ARIH1: variants seen among roughly 807,000 people sequenced by gnomAD.
ARIH1 encodes E3 ubiquitin-protein ligase ARIH1.
In ARIH1, 8 loss-of-function variants were observed where a neutral mutation model predicts 85.0. The observed-to-expected ratio is 0.09, with a 90% CI of 0.06 to 0.17. The LOEUF is 0.17. Among genes scored for constraint, ARIH1 ranks in the 10% least tolerant of loss-of-function variants. The pLI is 1.00. For synonymous variants in ARIH1, 238 were observed against 253.6 expected (o/e 0.94, Z 0.59); for missense variants, 311 against 718.1 (o/e 0.43, Z 6.48).
At chr15:72,577,138 A>T (rs1429549156) in intron 11 of ARIH1, among the ~76,000 whole-genome samples, 1 of 151,642 alleles carries the variant, frequency 6.6e-6, no homozygotes, top group African/African-American at 2.4e-5. Context: ...ATGCGCCACC[A>T]TGCCTGGCTA....
At chr15:72,538,594 G>C (rs2064093127) in intron 2 of ARIH1, among the ~76,000 whole-genome samples, 1 of 152,200 alleles carries the variant, frequency 6.6e-6, no homozygotes, top group Non-Finnish European at 1.5e-5. Context: ...AGCCAGTGGT[G>C]ATCCCTACCA....
chr15:72,545,662 A>G (rs1420844865), intron 3 of ARIH1, among the ~76,000 whole-genome samples: 1 of 152,236 alleles, frequency 6.6e-6, no homozygotes, highest in Non-Finnish European at 1.5e-5. Context: ...ACCTGTCTCA[A>G]CTAAAAATAC....
intron 1 of ARIH1, among the ~76,000 whole-genome samples, chr15:72,499,704 G>A (rs1180700610): frequency 6.6e-6 from 1 of 152,154 alleles, no homozygotes; most frequent in African/African-American, 2.4e-5. Flanking sequence ...GTAGCAAGAT[G>A]GTTTGGGTTT....
At chr15:72,565,228 ATTTATTTATTTATTTG>A (rs2064214134) in intron 7 of ARIH1, among the ~76,000 whole-genome samples, 2 of 151,302 alleles carry the variant, frequency 1.3e-5, no homozygotes, top group East Asian at 1.9e-4. Context: ...GCTAATTTTT[ATTTATTTATTTATTTG>A]TTTATTTATT....
At position 72,519,486 on chromosome 15, in the gene ARIH1, T is replaced by G. The variant is rs867695716; in HGVS notation, c.443+1352T>G. On this transcript the variant is annotated intron_variant, in intron 2 of 13. Transcript: ENST00000379887. ...ACCATGTTTTTTTTGTTTTTTTTTT[T>G]TTTTTTTTTTTTTTGAGACGGAGTT... 4.3e-3 allele frequency among the ~76,000 whole-genome samples: 562 copies of G among 132,006 alleles called. 2 individuals carry two copies. The highest frequency in any genetic ancestry group is 0.012 in the African/African-American group (451 of 36,224). The allele number at this position is 132,006 out of a possible 152,430, so 86.6% of individuals were successfully genotyped here.
At chr15:72,548,415 G>A (rs2064138747) in intron 3 of ARIH1, among the ~76,000 whole-genome samples, 1 of 152,154 alleles carries the variant, frequency 6.6e-6, no homozygotes, top group African/African-American at 2.4e-5. Context: ...GGTAGGATGG[G>A]AAACCAGACT....
intron 5 of ARIH1, among the ~76,000 whole-genome samples, chr15:72,558,393 C>G (rs2064183746): frequency 6.6e-6 from 1 of 152,146 alleles, no homozygotes; most frequent in Non-Finnish European, 1.5e-5. Context: ...CCTCTGCCTC[C>G]CGGGTTCAAG....
intron 1 of ARIH1, among the ~76,000 whole-genome samples, chr15:72,477,512 ATTAAT>A (rs1017037986): frequency 1.3e-5 from 2 of 152,204 alleles, no homozygotes; most frequent in Non-Finnish European, 2.9e-5. Context: ...AGATAACCAA[ATTAAT>A]TTAATATTTC....
chr15:72,475,145 C>T, intron 1 of ARIH1, 131 bp downstream of exon 1: 8 of 1,428,362 alleles, frequency 5.6e-6, no homozygotes, highest in Non-Finnish European at 7.4e-6. Context: ...CTTGTCTTCT[C>T]CGCTGCCTCT....
chr15:72,510,736 C>CAAAAAAAAAAAAAAAAAAAAA (rs57834481), intron 1 of ARIH1, among the ~76,000 whole-genome samples: 1 of 26,718 alleles, frequency 3.7e-5, no homozygotes, highest in African/African-American at 1.2e-4. Flanking sequence ...GACTCTGACT[C>CAAAAAAAAAAAAAAAAAAAAA]AAAAAAAAAA....
intron 1 of ARIH1, among the ~76,000 whole-genome samples, chr15:72,513,388 A>G (rs1174930398): frequency 6.6e-6 from 1 of 152,178 alleles, no homozygotes; most frequent in East Asian, 1.9e-4. Flanking sequence ...TTCTCAAAGT[A>G]AAACAGGTTT....
At chr15:72,519,852 T>C (rs2063991786) in intron 2 of ARIH1, among the ~76,000 whole-genome samples, 1 of 152,152 alleles carries the variant, frequency 6.6e-6, no homozygotes, top group African/African-American at 2.4e-5. Flanking sequence ...GTTTTTTTAT[T>C]TGATGACACC....
At chr15:72,497,978 G>A (rs2063886487) in intron 1 of ARIH1, among the ~76,000 whole-genome samples, 1 of 152,150 alleles carries the variant, frequency 6.6e-6, no homozygotes, top group African/African-American at 2.4e-5. Context: ...CCATAGTAGG[G>A]ATGTTTCGAA....
At chr15:72,477,566 G>C (rs942644196) in intron 1 of ARIH1, among the ~76,000 whole-genome samples, 6 of 152,012 alleles carry the variant, frequency 3.9e-5, no homozygotes, top group Non-Finnish European at 8.8e-5. Flanking sequence ...GAGGAGTTCT[G>C]GGCAACAACA....
Position 72,506,351 on chromosome 15 carries a change from C to CA in ARIH1, c.376-11702dup, listed in dbSNP as rs71134002. 2.2e-3 allele frequency among the ~76,000 whole-genome samples: 158 copies of CA among 73,090 alleles called. 8 individuals carry two copies. Among genetic ancestry groups the CA allele is most frequent in the African/African-American group, 7.7e-3 (149 of 19,336 alleles). 47.9% of individuals were successfully genotyped at this position (73,090 alleles called of 152,430 possible). ...GGCGACAGAGCAAGACTCCGTCTCA[C>CA]AAAAAAAAAAAAAAGAAAAAAAAAA... On this transcript the variant is annotated intron_variant, in intron 1 of 13. Transcript: ENST00000379887.
chr15:72,587,360 C>T lies in ARIH1; in HGVS notation c.*4068C>T. 2.2e-6 allele frequency: 1 copy of T among 459,510 alleles called. No individual in the cohort carries two copies. Among genetic ancestry groups the T allele is most frequent in the Non-Finnish European group, 4.5e-6 (1 of 222,000 alleles). 28.5% of individuals were successfully genotyped at this position (459,510 alleles called of 1,614,324 possible). On this transcript the variant is annotated 3_prime_UTR_variant, in exon 14 of 14. Transcript: ENST00000379887. ...AGACTATTATAAATGCCTATCACTG[C>T]TACTGTTAGAGGTTGCTCTATACTA...
intron 2 of ARIH1, among the ~76,000 whole-genome samples, chr15:72,538,121 T>C (rs1303646245): frequency 6.6e-6 from 1 of 152,144 alleles, no homozygotes; most frequent in Non-Finnish European, 1.5e-5. Flanking sequence ...CCCAGCACTT[T>C]GGGAGGCTGA....
Position 72,590,573 on chromosome 15 carries a change from G to T in ARIH1, c.*7281G>T, listed in dbSNP as rs1039551390. ...ATCTGATGACATGGGCTTTTTAAAAGATTACTATTTTTTTAGAGGTGGGGT... is the reference window on the plus strand; with the variant it reads ...ATCTGATGACATGGGCTTTTTAAAATATTACTATTTTTTTAGAGGTGGGGT... On this transcript the variant is annotated 3_prime_UTR_variant, in exon 14 of 14. Coordinates refer to ENST00000379887, the MANE Select transcript of ARIH1 (RefSeq NM_005744.5). The T allele has an allele frequency of 1.2e-5, 1 of 83,200 alleles. No homozygotes were observed. Among genetic ancestry groups the T allele is most frequent in the Non-Finnish European group, 3.5e-5 (1 of 28,808 alleles). 5.2% of individuals were successfully genotyped at this position (83,200 alleles called of 1,614,324 possible). A position where few individuals can be genotyped will look rare whatever the true frequency, so the allele number is the denominator to read the frequency against.
At chr15:72,531,689 T>C (rs1421363380) in intron 2 of ARIH1, among the ~76,000 whole-genome samples, 1 of 152,188 alleles carries the variant, frequency 6.6e-6, no homozygotes, top group African/African-American at 2.4e-5. Flanking sequence ...ATAATAATAT[T>C]CTAGAGCACA....
Sources: gnomAD v4.1 joint callset for allele counts (sites outside exome capture counted in the v4.1 genomes callset) on GRCh38, gnomAD v4.1.1 for gene constraint, MANE v1.5 for transcripts, NCBI Gene and HGNC (gene_info 2026-07-23, HGNC 2026-07-21) for gene names.